The following HHLA2 variants were observed in gnomAD, a reference collection of about 807,000 sequenced individuals.
HHLA2 encodes HERV-H LTR-associating protein 2.
HHLA2 carries 48 observed loss-of-function variants against 45.9 expected under a neutral mutation model. The ratio of observed to expected loss-of-function variants is 1.05; its 90% CI spans 0.83 to 1.33. The LOEUF (loss-of-function observed/expected upper bound fraction) is 1.33. Among genes scored for constraint, HHLA2 ranks in the 40% most tolerant of loss-of-function variants. HHLA2 has a pLI of 0.00. For missense variants in HHLA2, 462 were observed against 494.3 expected (o/e 0.93, Z 0.62); for synonymous variants, 161 against 173.9 (o/e 0.93, Z 0.59).
At chr3:108,328,308 T>C in exon 3 of HHLA2, 1 of 1,530,326 alleles carries the variant, frequency 6.5e-7, no homozygotes, top group Non-Finnish European at 8.7e-7. Context: ...ATTGTGATGG[T>C]GATGTGGAAT....
At chr3:108,352,519 C>T (rs900141647) in intron 4 of HHLA2, among the ~76,000 whole-genome samples, 13 of 152,040 alleles carry the variant, frequency 8.6e-5, no homozygotes, top group African/African-American at 3.1e-4. Flanking sequence ...ACTCCATTGT[C>T]CAAAAAATAA....
At chr3:108,298,691 T>G (rs1216069271) in intron 1 of HHLA2, among the ~76,000 whole-genome samples, 1 of 152,238 alleles carries the variant, frequency 6.6e-6, no homozygotes, top group Non-Finnish European at 1.5e-5. Flanking sequence ...AACTGCAGAT[T>G]CAGATTTTTT....
intron 3 of HHLA2, among the ~76,000 whole-genome samples, chr3:108,347,916 G>A (rs1412492245): frequency 6.6e-6 from 1 of 152,112 alleles, no homozygotes. Flanking sequence ...GAAAGAACAG[G>A]ATAGTTTCTG....
intron 2 of HHLA2, among the ~76,000 whole-genome samples, chr3:108,327,753 G>A (rs1196853867): frequency 6.6e-6 from 1 of 152,152 alleles, no homozygotes; most frequent in Non-Finnish European, 1.5e-5. Flanking sequence ...TGAAGTGCAT[G>A]CGAGTTTTAT....
chr3:108,355,490 A>T, intron 6 of HHLA2, 109 bp downstream of exon 5: 1 of 1,299,304 alleles, frequency 7.7e-7, no homozygotes, highest in Admixed American at 2.3e-5. Context: ...AAGCAAATCC[A>T]TCTGCAGCGG....
At chr3:108,377,131 A>G (rs1430013169) in intron 10 of HHLA2, 127 bp from the exon 10 acceptor site, 7 of 643,782 alleles carry the variant, frequency 1.1e-5, no homozygotes, top group Non-Finnish European at 2.0e-5. Context: ...TTAATTTCAG[A>G]TGCAAGCAAT....
chr3:108,315,110 G>C (rs1417676116), intron 2 of HHLA2, among the ~76,000 whole-genome samples: 6 of 152,210 alleles, frequency 3.9e-5, no homozygotes, highest in African/African-American at 1.4e-4. Flanking sequence ...CATTTTATCA[G>C]AGGCTCTCAC....
At chr3:108,366,410 G>A (rs2082063920) in intron 8 of HHLA2, among the ~76,000 whole-genome samples, 1 of 152,182 alleles carries the variant, frequency 6.6e-6, no homozygotes, top group Admixed American at 6.5e-5. Flanking sequence ...TCGCTTTGAT[G>A]TTCATCAGGG....
chr3:108,339,161 AAACCATACACAGTTTTAC>A (rs2081523527), intron 3 of HHLA2, among the ~76,000 whole-genome samples: 2 of 152,222 alleles, frequency 1.3e-5, no homozygotes, highest in African/African-American at 4.8e-5. Context: ...TATGACTATA[AAACCATACACAGTTTTAC>A]AATCACTATC....
chr3:108,300,187 C>G (rs891888356), intron 1 of HHLA2, among the ~76,000 whole-genome samples: 4 of 152,080 alleles, frequency 2.6e-5, no homozygotes, highest in African/African-American at 9.7e-5. Flanking sequence ...GGAAACAGCA[C>G]AGAACCTGGG....
chr3:108,360,385 A>G (rs746937672), intron 7 of HHLA2, among the ~76,000 whole-genome samples: 12 of 152,206 alleles, frequency 7.9e-5, no homozygotes, highest in Admixed American at 2.0e-4. Flanking sequence ...CATTTTCACC[A>G]TAGATCTCAG....
chr3:108,363,796 A>G (rs2082017819), intron 8 of HHLA2, among the ~76,000 whole-genome samples: 1 of 152,162 alleles, frequency 6.6e-6, no homozygotes, highest in South Asian at 2.1e-4. Context: ...TCTCAACTGA[A>G]AACACATGGC....
intron 6 of HHLA2, among the ~76,000 whole-genome samples, chr3:108,357,610 G>T (rs561913775): frequency 5.3e-5 from 8 of 152,266 alleles, no homozygotes; most frequent in Non-Finnish European, 7.4e-5. Context: ...CCTCTAGCTG[G>T]CCCTGGCTTA....
chr3:108,339,790 C>T (rs563675796), intron 3 of HHLA2, among the ~76,000 whole-genome samples: 14 of 152,258 alleles, frequency 9.2e-5, no homozygotes, highest in African/African-American at 3.4e-4. Flanking sequence ...GTCAAACTTA[C>T]CACAAGTACA....
chr3:108,367,169 C>T (rs2082078818), intron 8 of HHLA2, among the ~76,000 whole-genome samples: 1 of 152,158 alleles, frequency 6.6e-6, no homozygotes, highest in South Asian at 2.1e-4. Context: ...AACATCAACA[C>T]AAAGGACCCC....
chr3:108,300,694 G>A (rs2080834954), intron 1 of HHLA2, among the ~76,000 whole-genome samples: 1 of 152,112 alleles, frequency 6.6e-6, no homozygotes, highest in Non-Finnish European at 1.5e-5. Context: ...AAGCAGAGAC[G>A]TGAAACCTAG....
chr3:108,340,614 T>A (rs138887282), intron 3 of HHLA2, among the ~76,000 whole-genome samples: 3 of 152,364 alleles, frequency 2.0e-5, no homozygotes, highest in Non-Finnish European at 4.4e-5. Flanking sequence ...CATTTGAAAG[T>A]CTATATACCA....
chr3:108,370,037 A>G (rs1386628994), intron 8 of HHLA2, among the ~76,000 whole-genome samples: 1 of 151,964 alleles, frequency 6.6e-6, no homozygotes. Context: ...CTGACCCCCG[A>G]GTGGCCTAAC....
chr3:108,328,521 G>T (rs2081329755), intron 3 of HHLA2, among the ~76,000 whole-genome samples: 1 of 152,136 alleles, frequency 6.6e-6, no homozygotes, highest in Non-Finnish European at 1.5e-5. Flanking sequence ...GTGAAACTGA[G>T]GCAAAAAGGA....
Sources: allele counts gnomAD v4.1 joint callset (sites outside exome capture counted in the v4.1 genomes callset), GRCh38; gene constraint gnomAD v4.1.1; transcripts MANE v1.5; gene names NCBI Gene and HGNC (gene_info 2026-07-23, HGNC 2026-07-21).